Variants in ZNF853 observed in about 807,000 individuals in gnomAD.
ZNF853 encodes zinc finger protein 853.
Under a neutral mutation model 94.7 loss-of-function variants are expected in ZNF853, and 57 were observed. The observed-to-expected ratio is 0.60, with a 90% CI of 0.49 to 0.75. ZNF853 has a LOEUF of 0.75. Among genes scored for constraint, ZNF853 ranks in the 30% least tolerant of loss-of-function variants. The pLI, the probability that ZNF853 is intolerant of heterozygous loss-of-function variation, is 0.00. For missense variants in ZNF853, 785 were observed against 868.9 expected (o/e 0.90, Z 1.21); for synonymous variants, 448 against 406.3 (o/e 1.10, Z -1.23).
chr7:6,616,230 T>A lies in ZNF853; in HGVS notation c.12+44T>A. Reference sequence around the variant, plus strand: ...TTGGCGCTGGGCAACCGGGGACGCGTCCCTTGAGAGAGTTTGGACTGGATG... The same window carrying A: ...TTGGCGCTGGGCAACCGGGGACGCGACCCTTGAGAGAGTTTGGACTGGATG... On this transcript the variant is annotated intron_variant, in intron 1 of 2. Transcript: ENST00000457543. 3.2e-6 allele frequency: 5 copies of A among 1,542,730 alleles called. No individual in the cohort carries two copies. In the African/African-American group the frequency reaches 4.1e-5, roughly 13 times the overall value.
intron 2 of ZNF853, 29 bp downstream of exon 2, chr7:6,617,336 A>C: frequency 1.0e-5 from 14 of 1,398,944 alleles, no homozygotes; most frequent in Non-Finnish European, 1.3e-5. Context: ...CCCTTGACAG[A>C]GCCTCATGCC....
intron 2 of ZNF853, 112 bp from the exon 3 acceptor site, chr7:6,621,010 A>C: frequency 7.5e-7 from 1 of 1,330,498 alleles, no homozygotes; most frequent in Non-Finnish European, 9.9e-7. Flanking sequence ...GGCTCCTGCT[A>C]AGAGCGTGTT....
At position 6,616,178 on chromosome 7, in the gene ZNF853, C is replaced by G. The variant is rs1264480068; in HGVS notation, c.4C>G (p.Leu2Val). M[L>V]HQPTPGNRGL... is the part of the protein sequence containing the mutation. ...AGAGGCTGCCCGGGAGCAGGAAATG[C>G]TCCACCAGGTGAGGCCCAGGGGGTC... Residue 2 changes from leucine (L) to valine (V), a missense_variant, in exon 1 of 3, where the codon CTC becomes GTC. Leu to Val is a conservative substitution (Grantham distance 32). Transcript: ENST00000457543. The G allele has an allele frequency of 8.4e-6, 13 of 1,548,096 alleles. No individual in the cohort carries two copies. In the East Asian group the frequency reaches 2.5e-4, roughly 29 times the overall value.
chr7:6,622,129 G>A lies in ZNF853; in HGVS notation c.1138G>A (p.Glu380Lys). The A allele has an allele frequency of 6.5e-7, 1 of 1,545,328 alleles. No homozygotes were observed. The highest frequency in any genetic ancestry group is 8.7e-7 in the Non-Finnish European group (1 of 1,146,852). ...GCTGGAGCAGCAGCAGCAGCAGCTG[G>A]AGCAGCAGGAGGTGCAGCTGGAGCT... ...QQLEQQQQQL[E>K]QQEVQLELTP... Residue 380 changes from glutamate (E) to lysine (K), a missense_variant, in exon 3 of 3, where the codon GAG (glutamate) becomes AAG (lysine). Transcript: ENST00000457543.
rs1375469845 is a variant in ZNF853 at position 6,622,615 on chromosome 7, G to T, written c.1624G>T (p.Ala542Ser). 2 of 1,581,856 alleles carry T rather than the reference G, an allele frequency of 1.3e-6. No homozygotes were observed. Among genetic ancestry groups the T allele is most frequent in the South Asian group, 2.3e-5 (2 of 87,360 alleles). Reference protein sequence around the residue: ...QRIHTGEKPYACSYCAKRFSE... With the variant: ...QRIHTGEKPYSCSYCAKRFSE... ...CATCCACACGGGCGAGAAACCCTACGCCTGCTCCTACTGCGCCAAGCGCTT... is the reference window on the plus strand; with the variant it reads ...CATCCACACGGGCGAGAAACCCTACTCCTGCTCCTACTGCGCCAAGCGCTT... Residue 542 changes from alanine (A) to serine (S), a missense_variant, in exon 3 of 3, where the codon GCC becomes TCC. Ala to Ser is a moderately conservative substitution (Grantham distance 99). Coordinates refer to ENST00000457543, the MANE Select transcript of ZNF853 (RefSeq NM_017560.3).
intron 1 of ZNF853, 94 bp from the exon 2 acceptor site, chr7:6,617,096 A>T: frequency 1.1e-6 from 1 of 943,500 alleles, no homozygotes; most frequent in Non-Finnish European, 1.6e-6. Flanking sequence ...GGGTGGCCCG[A>T]GGCAGAGGTG....
intron 2 of ZNF853, among the ~76,000 whole-genome samples, chr7:6,619,909 C>A: frequency 6.6e-6 from 1 of 152,204 alleles, no homozygotes; most frequent in African/African-American, 2.4e-5. Flanking sequence ...TGAGCCACCA[C>A]GCCCAGCCTA....
intron 2 of ZNF853, among the ~76,000 whole-genome samples, chr7:6,619,311 C>T: frequency 6.6e-6 from 1 of 151,802 alleles, no homozygotes; most frequent in African/African-American, 2.4e-5. Flanking sequence ...CTTGCTCTGT[C>T]GCTGGGCTGG....
intron 1 of ZNF853, 80 bp downstream of exon 1, chr7:6,616,266 G>A: frequency 7.0e-7 from 1 of 1,434,026 alleles, no homozygotes; most frequent in South Asian, 1.3e-5. Context: ...GCACGAGTCG[G>A]CCTGTTTAGG....
chr7:6,616,297 C>A, intron 1 of ZNF853, 111 bp downstream of exon 1: 1 of 1,136,050 alleles, frequency 8.8e-7, no homozygotes, highest in Non-Finnish European at 1.2e-6. Flanking sequence ...CAGCTCTGCA[C>A]GGGCCAGGGT....
chr7:6,619,032 A>ATTTTT, intron 2 of ZNF853, among the ~76,000 whole-genome samples: 23 of 86,882 alleles, frequency 2.6e-4, no homozygotes, highest in African/African-American at 9.9e-4. Context: ...CCCTTGGTGG[A>ATTTTT]TTTTTTTTTT....
intron 1 of ZNF853, among the ~76,000 whole-genome samples, chr7:6,616,425 A>T: frequency 6.6e-6 from 1 of 152,166 alleles, no homozygotes; most frequent in African/African-American, 2.4e-5. Context: ...CGGCCTTCTC[A>T]GAGCAGGCCA....
intron 2 of ZNF853, among the ~76,000 whole-genome samples, chr7:6,619,807 A>C: frequency 1.3e-5 from 2 of 152,166 alleles, no homozygotes; most frequent in Non-Finnish European, 2.9e-5. Flanking sequence ...CATGGTGTAC[A>C]CGGTGCGGAA....
At chr7:6,617,740 A>G in intron 2 of ZNF853, 6 of 689,984 alleles carry the variant, frequency 8.7e-6, no homozygotes, top group Non-Finnish European at 1.8e-6. Context: ...GTGGCCTCGT[A>G]ACCTTTTCCA....
chr7:6,621,555 G>T lies in ZNF853; in HGVS notation c.564G>T (p.Leu188Phe), dbSNP rs118032733. The T allele has an allele frequency of 3.8e-3, 5,915 of 1,551,736 alleles. 25 individuals are homozygous for T. Among genetic ancestry groups the T allele is most frequent in the South Asian group, 8.7e-3 (731 of 84,068 alleles). ...QTQQAQEQQVLQQQEQLQQQV... is the reference protein window; with the variant it reads ...QTQQAQEQQVFQQQEQLQQQV... ...AGCAAGCACAAGAGCAACAGGTATT[G>T]CAGCAGCAGGAACAGCTACAGCAGC... The change falls in exon 3 of 3, where the codon TTG becomes TTT. Residue 188 changes from leucine to phenylalanine, a missense_variant. Coordinates refer to ENST00000457543, the MANE Select transcript of ZNF853 (RefSeq NM_017560.3).
intron 2 of ZNF853, among the ~76,000 whole-genome samples, chr7:6,619,468 C>T: frequency 2.6e-5 from 4 of 152,016 alleles, no homozygotes; most frequent in Non-Finnish European, 5.9e-5. Context: ...GATAGGATTT[C>T]GTCATGTTGG....
rs1359851860 is a variant in ZNF853, at chr7:6,622,233, A to C, written c.1242A>C (p.Glu414Asp). The change falls in exon 3 of 3, where the codon GAA (glutamate) becomes GAC (aspartate). Residue 414 changes from glutamate to aspartate, a missense_variant. Physicochemically the swap from Glu to Asp is conservative, Grantham distance 45. Coordinates refer to ENST00000457543, the MANE Select transcript of ZNF853 (RefSeq NM_017560.3). ...CCGTGCAGCCGGAGCTGCAGCTGGA[A>C]CTGGTGCCAGCCGCAGGGGGCGGCG... is the stretch of plus-strand genomic sequence containing the variant. ...LTPVQPELQL[E>D]LVPAAGGGGA... is the part of the protein sequence containing the mutation. 2 of 1,529,556 alleles carry C rather than the reference A, an allele frequency of 1.3e-6. No individual in the cohort carries two copies. The highest frequency in any genetic ancestry group is 1.8e-6 in the Non-Finnish European group (2 of 1,141,868). 94.7% of individuals were successfully genotyped at this position (1,529,556 alleles called of 1,614,324 possible).
chr7:6,616,064 T>A lies in ZNF853; in HGVS notation c.-111T>A. 8.9e-7 allele frequency: 1 copy of A among 1,118,832 alleles called. No homozygotes were observed. Among genetic ancestry groups the A allele is most frequent in the Non-Finnish European group, 1.3e-6 (1 of 780,794 alleles). The allele number at this position is 1,118,832 out of a possible 1,614,324, so 69.3% of individuals were successfully genotyped here. On this transcript the variant is annotated 5_prime_UTR_variant, in exon 1 of 3. Transcript: ENST00000457543. ...CCGGGGTGGCCCTGCGCCTCCTGGC[T>A]CTTTCTGGATGGAGGCGCCTCCGGA...
chr7:6,622,884 G>A lies in ZNF853; in HGVS notation c.1893G>A (p.Leu631=). ...GAGRSRGLGL[L]RASRPAALGG... is the part of the protein sequence containing the mutation. Reference sequence around the variant, plus strand: ...GCCGCTCCAGGGGCCTCGGCCTGCTGCGCGCCTCGCGGCCGGCGGCCCTCG... The same window carrying A: ...GCCGCTCCAGGGGCCTCGGCCTGCTACGCGCCTCGCGGCCGGCGGCCCTCG... The change falls in exon 3 of 3, where the codon CTG becomes CTA. Residue 631 remains leucine, a synonymous_variant. Coordinates refer to ENST00000457543, the MANE Select transcript of ZNF853 (RefSeq NM_017560.3). The A allele has an allele frequency of 1.6e-6, 2 of 1,279,618 alleles. No individual in the cohort carries two copies. The highest frequency in any genetic ancestry group is 2.0e-6 in the Non-Finnish European group (2 of 1,014,514). The allele number at this position is 1,279,618 out of a possible 1,614,324, so 79.3% of individuals were successfully genotyped here.
Sources: gnomAD v4.1 joint callset for allele counts (sites outside exome capture counted in the v4.1 genomes callset) on GRCh38, gnomAD v4.1.1 for gene constraint, MANE v1.5 for transcripts, NCBI Gene and HGNC (gene_info 2026-07-23, HGNC 2026-07-21) for gene names.